Variants in GFPT2 observed in about 807,000 individuals in gnomAD.
The protein encoded by GFPT2 is glutamine--fructose-6-phosphate transaminase 2.
Under a neutral mutation model 85.6 loss-of-function variants are expected in GFPT2, and 62 were observed. That is an observed-to-expected ratio of 0.72 (90% CI 0.59 to 0.90). The LOEUF (loss-of-function observed/expected upper bound fraction) is 0.90, where lower values mean the gene tolerates loss of function less well. Among genes scored for constraint, GFPT2 ranks in the 40% least tolerant of loss-of-function variants. The pLI is 0.00. For missense variants in GFPT2, 788 were observed against 893.4 expected, an observed-to-expected ratio of 0.88 and a Z score of 1.50; for synonymous variants, 368 against 344.5, an observed-to-expected ratio of 1.07 and a Z score of -0.75.
chr5:180,345,944 T>C lies in GFPT2; in HGVS notation c.7+7267A>G, dbSNP rs759331132. On this transcript the variant is annotated intron_variant, in intron 1 of 18. Coordinates refer to ENST00000253778, the MANE Select transcript of GFPT2 (RefSeq NM_005110.4). ...CCAGAACTCTCGGTTAACCCCAAGA[T>C]AATCAAACACAGAGGCTTACATCCC... 2.2e-4 allele frequency among the ~76,000 whole-genome samples: 34 copies of C among 152,080 alleles called. 1 individual carries two copies. The Middle Eastern group carries it at 0.01, about 46-fold the overall frequency.
intron 2 of GFPT2, 70 bp downstream of exon 2, chr5:180,338,423 A>G (rs1178786058): frequency 5.6e-6 from 4 of 719,318 alleles, no homozygotes; most frequent in Non-Finnish European, 9.7e-6. Context: ...ACCCCCCTGC[A>G]GTGGAGATGG....
chr5:180,332,599 G>A (rs1251240708), intron 4 of GFPT2, among the ~76,000 whole-genome samples: 10 of 152,210 alleles, frequency 6.6e-5, no homozygotes, highest in Admixed American at 4.6e-4. Context: ...GTGCAGTGGC[G>A]TGACCTTGGC....
intron 1 of GFPT2, among the ~76,000 whole-genome samples, chr5:180,346,667 C>A (rs570539029): frequency 1.3e-5 from 2 of 152,248 alleles, no homozygotes; most frequent in Non-Finnish European, 2.9e-5. Flanking sequence ...CCAGTGCGTG[C>A]GCCCCTGGGG....
chr5:180,304,670 C>T, intron 17 of GFPT2, 102 bp downstream of exon 17: 3 of 1,109,368 alleles, frequency 2.7e-6, no homozygotes, highest in South Asian at 2.8e-5. Context: ...CAGCCACTCA[C>T]TGGCCAGACC....
intron 1 of GFPT2, among the ~76,000 whole-genome samples, chr5:180,346,904 G>A (rs139795722): frequency 3.7e-4 from 57 of 152,346 alleles, no homozygotes; most frequent in African/African-American, 1.2e-3. Context: ...TGAGAACGGG[G>A]CAGTAAATAA....
intron 1 of GFPT2, among the ~76,000 whole-genome samples, chr5:180,341,984 G>A (rs1020280382): frequency 1.3e-5 from 2 of 152,154 alleles, no homozygotes; most frequent in Non-Finnish European, 2.9e-5. Flanking sequence ...CAATTCCCAC[G>A]TGTAAGGAGG....
chr5:180,313,868 C>A lies in GFPT2; in HGVS notation c.1370G>T (p.Arg457Leu). 1 of 1,604,310 alleles carries A rather than the reference C, an allele frequency of 6.2e-7. No individual in the cohort carries two copies. ...GATGTGGACGCCGCAGTCGGTCTCG[C>A]GAGAGATGGAGCTGCCCACGGTGTT... ...VTNTVGSSIS[R>L]ETDCGVHINA... The change falls in exon 14 of 19, where the codon CGC (arginine) becomes CTC (leucine). Residue 457 changes from arginine to leucine, a missense_variant. Arg to Leu is a moderately radical substitution (Grantham distance 102). Coordinates refer to ENST00000253778, the MANE Select transcript of GFPT2 (RefSeq NM_005110.4).
rs377042246 is a variant in GFPT2 at position 180,338,563 on chromosome 5, C to T, written c.45G>A (p.Thr15=). 19 of 1,611,584 alleles carry T rather than the reference C, an allele frequency of 1.2e-5. No homozygotes were observed. The Admixed American group carries it at 1.5e-4, about 13-fold the overall frequency. The part of the protein sequence containing the change: ...FAYMNYRVPR[T]RKEIFETLIK... ...TGAGGGTTTCGAAGATCTCCTTCCT[C>T]GTCCGGGGGACTCTGTAGTTCATGT... Residue 15 remains threonine, a synonymous_variant, in exon 2 of 19, where the codon ACG becomes ACA. Transcript: ENST00000253778.
At chr5:180,347,428 T>C (rs1764630080) in intron 1 of GFPT2, among the ~76,000 whole-genome samples, 1 of 152,086 alleles carries the variant, frequency 6.6e-6, no homozygotes, top group South Asian at 2.1e-4. Flanking sequence ...TTCAGGGCCC[T>C]ATCCTCAAAA....
At chr5:180,308,420 T>C (rs1463711750) in intron 15 of GFPT2, among the ~76,000 whole-genome samples, 2 of 152,240 alleles carry the variant, frequency 1.3e-5, no homozygotes, top group East Asian at 3.8e-4. Flanking sequence ...TTTTAGTGTC[T>C]GCCTTTTTAA....
At chr5:180,331,365 C>A in intron 5 of GFPT2, 130 bp downstream of exon 5, 2 of 651,504 alleles carry the variant, frequency 3.1e-6, no homozygotes, top group South Asian at 3.8e-5. Context: ...CTTCTCAACA[C>A]GGTGACGTGG....
At chr5:180,305,569 C>T (rs189145489) in intron 16 of GFPT2, among the ~76,000 whole-genome samples, 3 of 152,224 alleles carry the variant, frequency 2.0e-5, no homozygotes, top group Admixed American at 6.5e-5. Context: ...GTAAGGAGTG[C>T]GGCTCCAGTC....
intron 9 of GFPT2, among the ~76,000 whole-genome samples, chr5:180,319,561 T>G (rs1764079733): frequency 6.6e-6 from 1 of 152,204 alleles, no homozygotes. Flanking sequence ...CTCCTAATTA[T>G]TAATAGCTCT....
intron 1 of GFPT2, among the ~76,000 whole-genome samples, chr5:180,346,810 A>G (rs1433861944): frequency 2.0e-5 from 3 of 152,104 alleles, no homozygotes; most frequent in Non-Finnish European, 2.9e-5. Context: ...ACCTTGATCT[A>G]CTGCTCTTTC....
At chr5:180,310,698 ACCGCG>A (rs147924286) in intron 15 of GFPT2, among the ~76,000 whole-genome samples, 4,315 of 152,164 alleles carry the variant, frequency 0.028, 147 homozygotes, top group African/African-American at 0.085. Context: ...GGCGTGAGCC[ACCGCG>A]CCCGGCCATC....
intron 15 of GFPT2, among the ~76,000 whole-genome samples, chr5:180,307,544 G>T (rs1763805630): frequency 6.6e-6 from 1 of 152,134 alleles, no homozygotes; most frequent in Admixed American, 6.5e-5. Context: ...AAGGTAGGAA[G>T]TACCATTTCT....
chr5:180,316,105 C>T (rs908246335), intron 13 of GFPT2, among the ~76,000 whole-genome samples: 18 of 152,194 alleles, frequency 1.2e-4, no homozygotes, highest in Admixed American at 5.2e-4. Context: ...GACTAACGTG[C>T]GTGGATTTCC....
At chr5:180,331,404 A>C (rs1260119772) in intron 5 of GFPT2, 91 bp downstream of exon 5, 3 of 786,842 alleles carry the variant, frequency 3.8e-6, no homozygotes, top group African/African-American at 3.4e-5. Flanking sequence ...CAGTTCCCAC[A>C]CTGGTTTCCG....
intron 2 of GFPT2, among the ~76,000 whole-genome samples, chr5:180,337,200 A>G (rs1486297970): frequency 6.6e-6 from 1 of 152,224 alleles, no homozygotes; most frequent in Non-Finnish European, 1.5e-5. Flanking sequence ...CACGCCTGTA[A>G]TCCCAGCACT....
Sources: gnomAD v4.1 joint callset for allele counts (sites outside exome capture counted in the v4.1 genomes callset) on GRCh38, gnomAD v4.1.1 for gene constraint, MANE v1.5 for transcripts, NCBI Gene and HGNC (gene_info 2026-07-23, HGNC 2026-07-21) for gene names.